Variants in CERT1 observed in about 807,000 individuals in gnomAD.
CERT1 encodes ceramide transporter 1, also known as ceramide transfer protein.
Under a neutral mutation model 87.9 loss-of-function variants are expected in CERT1, and 31 were observed. That is an observed-to-expected ratio of 0.35 (90% CI 0.27 to 0.48). CERT1 has a LOEUF of 0.48. Ranked by LOEUF, CERT1 falls within the 20% of genes least tolerant of loss-of-function variation. The pLI, the probability that CERT1 is intolerant of heterozygous loss-of-function variation, is 0.99. For synonymous variants in CERT1, 289 were observed against 250.9 expected, an observed-to-expected ratio of 1.15 and a Z score of -1.44; for missense variants, 487 against 758.0, an observed-to-expected ratio of 0.64 and a Z score of 4.20.
intron 2 of CERT1, among the ~76,000 whole-genome samples, chr5:75,484,604 T>TA (rs948504948): frequency 1.3e-5 from 2 of 149,036 alleles, no homozygotes; most frequent in East Asian, 4.1e-4. Flanking sequence ...TAGCTATTCT[T>TA]AGACAACATT....
At chr5:75,411,144 AT>A in intron 7 of CERT1, 41 bp from the exon 8 acceptor site, 1 of 1,122,636 alleles carries the variant, frequency 8.9e-7, no homozygotes, top group Non-Finnish European at 1.3e-6. Context: ...TGAGGCAGGC[AT>A]TTTAATTACA....
chr5:75,477,973 C>A (rs539496613), intron 2 of CERT1, among the ~76,000 whole-genome samples: 2 of 152,084 alleles, frequency 1.3e-5, no homozygotes, highest in East Asian at 3.9e-4. Flanking sequence ...ACTTAACAAA[C>A]CCCACTTAAA....
intron 2 of CERT1, among the ~76,000 whole-genome samples, chr5:75,483,847 G>A (rs1264393344): frequency 6.6e-6 from 1 of 151,064 alleles, no homozygotes; most frequent in Non-Finnish European, 1.5e-5. Context: ...TCTTCAGTCT[G>A]GGGAAAAAAA....
chr5:75,467,183 T>G (rs1044557624), intron 2 of CERT1, among the ~76,000 whole-genome samples: 7 of 152,194 alleles, frequency 4.6e-5, no homozygotes, highest in African/African-American at 1.7e-4. Flanking sequence ...TCAAGGAAAT[T>G]ATGCTGAGTG....
At chr5:75,504,029 C>T (rs1188919898) in intron 2 of CERT1, among the ~76,000 whole-genome samples, 2 of 136,194 alleles carry the variant, frequency 1.5e-5, no homozygotes, top group Non-Finnish European at 3.2e-5. Context: ...AATACTACTA[C>T]TTAGAGAATA....
chr5:75,511,913 G>A, upstream of CERT1: 1 of 1,264,656 alleles, frequency 7.9e-7, no homozygotes, highest in Admixed American at 2.4e-5. Flanking sequence ...CTGAGGTAAC[G>A]GGTGAGTATC....
At chr5:75,457,485 G>A (rs1765032962) in intron 3 of CERT1, among the ~76,000 whole-genome samples, 1 of 151,852 alleles carries the variant, frequency 6.6e-6, no homozygotes, top group Admixed American at 6.6e-5. Context: ...TTAAATAATA[G>A]AAAAACAATA....
chr5:75,385,305 T>G (rs1201141275), intron 13 of CERT1, among the ~76,000 whole-genome samples: 2 of 152,052 alleles, frequency 1.3e-5, no homozygotes, highest in East Asian at 1.9e-4. Context: ...AAACCCCGTC[T>G]CTACTAAAAA....
chr5:75,418,469 G>C (rs1216368506), intron 6 of CERT1, among the ~76,000 whole-genome samples: 2 of 152,078 alleles, frequency 1.3e-5, no homozygotes, highest in African/African-American at 4.8e-5. Flanking sequence ...CATATGATTA[G>C]AACATTCTAC....
Position 75,511,143 on chromosome 5 carries a change from G to A in CERT1, c.65C>T (p.Pro22Leu), listed in dbSNP as rs1418374188. Residue 22 changes from proline (P) to leucine (L), a missense_variant, in exon 1 of 17, where the codon CCG (proline) becomes CTG (leucine). This residue lies in a region of CERT1 where 173 missense variants were observed against 302.2 expected (regional missense o/e 0.57). Transcript: ENST00000643780. Reference protein sequence around the residue: ...SEEDPETESGPPVERCGVLSK... With the variant: ...SEEDPETESGLPVERCGVLSK... ...GAGGACCCCGCAGCGCTCCACAGGC[G>A]GCCCAGACTCCGTCTCTGGATCCTC... is the stretch of plus-strand genomic sequence containing the variant. 1.2e-6 allele frequency: 2 copies of A among 1,606,612 alleles called. No homozygotes were observed. The highest frequency in any genetic ancestry group is 4.5e-5 in the East Asian group (2 of 44,794).
rs11349407 is a variant in CERT1 at position 75,404,291 on chromosome 5, T to TAA, written c.931-1235_931-1234dup. On this transcript the variant is annotated intron_variant, in intron 8 of 16. Coordinates refer to ENST00000643780, the MANE Select transcript of CERT1 (RefSeq NM_001379029.1). Reference sequence around the variant, plus strand: ...ACTCAGTCCCCTACAACCTACTTCATAAAAAAAAAAAAAAAAAAAAAAACA... The same window carrying TAA: ...ACTCAGTCCCCTACAACCTACTTCATAAAAAAAAAAAAAAAAAAAAAAAAACA... Among the ~76,000 whole-genome samples the TAA allele has an allele frequency of 6.4e-3, 537 of 83,746 alleles. 2 individuals are homozygous for TAA. The highest frequency in any genetic ancestry group is 0.025 in the Middle Eastern group (3 of 120). 54.9% of individuals were successfully genotyped at this position (83,746 alleles called of 152,430 possible). A position where few individuals can be genotyped will look rare whatever the true frequency, so the allele number is the denominator to read the frequency against.
intron 3 of CERT1, among the ~76,000 whole-genome samples, chr5:75,455,809 A>G: frequency 6.6e-6 from 1 of 152,234 alleles, no homozygotes; most frequent in Non-Finnish European, 1.5e-5. Context: ...ACAAAATTGA[A>G]TACTCAGAAA....
intron 2 of CERT1, among the ~76,000 whole-genome samples, chr5:75,485,798 T>C (rs936583143): frequency 1.1e-4 from 17 of 151,990 alleles, no homozygotes; most frequent in African/African-American, 4.1e-4. Context: ...AACCTACCAA[T>C]ATTGAACCAG....
intron 5 of CERT1, among the ~76,000 whole-genome samples, chr5:75,420,489 G>A (rs548193634): frequency 3.3e-5 from 5 of 151,642 alleles, no homozygotes; most frequent in East Asian, 2.0e-4. Flanking sequence ...GACTACAGGC[G>A]CCTGCCACCA....
chr5:75,413,372 A>C (rs746686222), intron 7 of CERT1, among the ~76,000 whole-genome samples: 4 of 152,216 alleles, frequency 2.6e-5, no homozygotes, highest in Non-Finnish European at 5.9e-5. Context: ...GAAATCAATG[A>C]ATCAATGGGT....
chr5:75,451,269 A>C (rs889518264), intron 3 of CERT1, among the ~76,000 whole-genome samples: 1 of 152,182 alleles, frequency 6.6e-6, no homozygotes, highest in Non-Finnish European at 1.5e-5. Context: ...GATTTTAATG[A>C]CTGAAACATC....
At chr5:75,467,685 T>C (rs1386128389) in intron 2 of CERT1, among the ~76,000 whole-genome samples, 2 of 147,804 alleles carry the variant, frequency 1.4e-5, no homozygotes, top group Non-Finnish European at 3.0e-5. Context: ...AAGAAATCTA[T>C]GGGGCAATAA....
intron 16 of CERT1, among the ~76,000 whole-genome samples, chr5:75,379,776 G>A (rs1580689487): frequency 6.6e-6 from 1 of 152,154 alleles, no homozygotes; most frequent in East Asian, 1.9e-4. Context: ...GTAGAGATGG[G>A]TTTTCACCAT....
chr5:75,480,223 C>A (rs1452008602), intron 2 of CERT1, among the ~76,000 whole-genome samples: 1 of 152,190 alleles, frequency 6.6e-6, no homozygotes, highest in Non-Finnish European at 1.5e-5. Flanking sequence ...TAGGTACTTA[C>A]AGGAGTTACC....
Sources: allele counts gnomAD v4.1 joint callset (sites outside exome capture counted in the v4.1 genomes callset), GRCh38; gene constraint gnomAD v4.1.1; regional missense constraint gnomAD v4.1.1; transcripts MANE v1.5; gene names NCBI Gene and HGNC (gene_info 2026-07-23, HGNC 2026-07-21).